Variants in EIF4G3 observed in about 807,000 individuals in gnomAD.
EIF4G3 encodes eIF-4-gamma 3.
A neutral mutation model predicts 186.4 loss-of-function variants in EIF4G3; 34 were observed. The observed-to-expected ratio is 0.18, with a 90% CI of 0.14 to 0.24. The LOEUF is 0.24. EIF4G3 is among the 10% of genes least tolerant of loss of function. The probability of loss-of-function intolerance (pLI) is 1.00; values close to 1 mark genes in which losing one functional copy is unlikely to be tolerated. For synonymous variants in EIF4G3, 673 were observed against 679.5 expected (o/e 0.99, Z 0.15); for missense variants, 1,536 against 1,948.5 (o/e 0.79, Z 3.99).
At chr1:20,855,916 G>C (rs1272336591) in intron 25 of EIF4G3, among the ~76,000 whole-genome samples, 6 of 152,138 alleles carry the variant, frequency 3.9e-5, no homozygotes, top group Non-Finnish European at 1.5e-5. Flanking sequence ...AGTAATGTTG[G>C]AGGTTTGATA....
intron 3 of EIF4G3, among the ~76,000 whole-genome samples, chr1:21,085,702 T>C (rs1192899805): frequency 6.6e-6 from 1 of 151,972 alleles, no homozygotes; most frequent in Non-Finnish European, 1.5e-5. Flanking sequence ...CAGCCAAAGG[T>C]TATTTTTCTT....
chr1:21,029,967 T>C (rs1158836398), intron 4 of EIF4G3, among the ~76,000 whole-genome samples: 3 of 152,138 alleles, frequency 2.0e-5, no homozygotes, highest in Non-Finnish European at 4.4e-5. Context: ...GGGATCCTCC[T>C]ACCTCAGCCT....
chr1:20,831,572 G>C (rs2065199457), intron 30 of EIF4G3, among the ~76,000 whole-genome samples: 1 of 150,250 alleles, frequency 6.7e-6, no homozygotes. Context: ...AGAAAATAAG[G>C]ATCATTTTAT....
chr1:21,067,157 A>T (rs532993516), intron 3 of EIF4G3, among the ~76,000 whole-genome samples: 15 of 95,622 alleles, frequency 1.6e-4, no homozygotes, highest in Non-Finnish European at 2.1e-4. Context: ...TTTGAGACGG[A>T]GTTTCATTCT....
At chr1:20,839,587 C>T (rs548010206) in intron 30 of EIF4G3, among the ~76,000 whole-genome samples, 200 of 152,252 alleles carry the variant, frequency 1.3e-3, no homozygotes, top group African/African-American at 4.5e-3. Flanking sequence ...CTCTGCCTCC[C>T]GGGTTCAAGC....
intron 2 of EIF4G3, among the ~76,000 whole-genome samples, chr1:21,103,995 C>T: frequency 6.6e-6 from 1 of 152,134 alleles, no homozygotes; most frequent in Non-Finnish European, 1.5e-5. Flanking sequence ...CCTTAGTAAA[C>T]TGTGTAATCA....
intron 2 of EIF4G3, among the ~76,000 whole-genome samples, chr1:21,117,850 G>T (rs1282154557): frequency 1.3e-5 from 2 of 151,228 alleles, no homozygotes; most frequent in Non-Finnish European, 2.9e-5. Flanking sequence ...AAGATTGCAT[G>T]AACACAGGAA....
intron 3 of EIF4G3, among the ~76,000 whole-genome samples, chr1:21,067,352 C>T (rs1461417859): frequency 1.3e-5 from 2 of 151,844 alleles, no homozygotes; most frequent in East Asian, 1.9e-4. Context: ...AGGCTGGTCT[C>T]GAACTCCCAA....
intron 33 of EIF4G3, among the ~76,000 whole-genome samples, chr1:20,821,942 A>G (rs1005879226): frequency 1.3e-5 from 2 of 152,122 alleles, no homozygotes; most frequent in Non-Finnish European, 2.9e-5. Context: ...CAATAATGTG[A>G]TCTTGGCTCA....
At chr1:21,043,732 G>T (rs2093704813) in intron 4 of EIF4G3, among the ~76,000 whole-genome samples, 1 of 151,868 alleles carries the variant, frequency 6.6e-6, no homozygotes, top group South Asian at 2.1e-4. Flanking sequence ...TTTCTACAAA[G>T]AAATACAAAA....
intron 2 of EIF4G3, among the ~76,000 whole-genome samples, chr1:21,135,771 C>T (rs1004206228): frequency 2.0e-5 from 3 of 152,256 alleles, no homozygotes; most frequent in Non-Finnish European, 4.4e-5. Context: ...GTAACACACC[C>T]GGGTCCCAGA....
At chr1:21,007,538 C>CAAAAAAAAAAAAAAATAAAAAAA (rs1471121881) in intron 4 of EIF4G3, among the ~76,000 whole-genome samples, 1 of 58,488 alleles carries the variant, frequency 1.7e-5, no homozygotes, top group Non-Finnish European at 3.4e-5. Context: ...AAAAAAAAAA[C>CAAAAAAAAAAAAAAATAAAAAAA]ACACTCAAAA....
chr1:20,838,119 C>A (rs1433768055), intron 30 of EIF4G3, among the ~76,000 whole-genome samples: 3 of 152,140 alleles, frequency 2.0e-5, no homozygotes, highest in African/African-American at 7.2e-5. Context: ...ACACCAACAA[C>A]AAAACTGTAG....
chr1:20,901,847 G>T (rs1463504619), intron 15 of EIF4G3, among the ~76,000 whole-genome samples: 1 of 152,082 alleles, frequency 6.6e-6, no homozygotes, highest in Non-Finnish European at 1.5e-5. Flanking sequence ...TCATTGGCTG[G>T]ACAGCCAAAG....
intron 3 of EIF4G3, among the ~76,000 whole-genome samples, chr1:21,082,457 G>A (rs1387739108): frequency 5.3e-5 from 8 of 151,960 alleles, no homozygotes; most frequent in African/African-American, 1.2e-4. Flanking sequence ...GTGGTGGCAC[G>A]TGCCTGTAAT....
chr1:21,076,806 A>G, intron 3 of EIF4G3, among the ~76,000 whole-genome samples: 1 of 152,200 alleles, frequency 6.6e-6, no homozygotes, highest in East Asian at 1.9e-4. Context: ...TGGACTAAAT[A>G]TTTAAATGTT....
intron 18 of EIF4G3, chr1:20,893,063 G>A (rs1054203126): frequency 1.8e-5 from 4 of 227,756 alleles, no homozygotes; most frequent in East Asian, 9.8e-5. Context: ...ATAAGCATGC[G>A]CCAGCATGCC....
intron 7 of EIF4G3, among the ~76,000 whole-genome samples, chr1:20,991,893 T>C (rs2154567992): frequency 6.6e-6 from 1 of 152,316 alleles, no homozygotes; most frequent in Non-Finnish European, 1.5e-5. Context: ...AGGACTTATT[T>C]CATTTCAGAC....
At chr1:20,864,157 C>A (rs1571870531) in intron 22 of EIF4G3, among the ~76,000 whole-genome samples, 1 of 152,160 alleles carries the variant, frequency 6.6e-6, no homozygotes, top group Non-Finnish European at 1.5e-5. Context: ...TTCTGCACTA[C>A]CCTTAGGCCA....
Sources: gnomAD v4.1 joint callset for allele counts (sites outside exome capture counted in the v4.1 genomes callset) on GRCh38, gnomAD v4.1.1 for gene constraint, MANE v1.5 for transcripts, NCBI Gene and HGNC (gene_info 2026-07-23, HGNC 2026-07-21) for gene names.